The following RSRC1 variants were observed in gnomAD, a reference collection of about 807,000 sequenced individuals.
The protein encoded by RSRC1 is serine/Arginine-related protein 53.
A neutral mutation model predicts 49.1 loss-of-function variants in RSRC1; 39 were observed. The observed-to-expected ratio is 0.79, with a 90% confidence interval of 0.61 to 1.04. The LOEUF is 1.04. Among genes scored for constraint, RSRC1 ranks in the 50% least tolerant of loss-of-function variants. The pLI, the probability that RSRC1 is intolerant of heterozygous loss-of-function variation, is 0.00. For synonymous variants in RSRC1, 143 were observed against 130.8 expected, an observed-to-expected ratio of 1.09 and a Z score of -0.63; for missense variants, 388 against 402.4, an observed-to-expected ratio of 0.96 and a Z score of 0.31.
chr3:158,166,905 C>T (rs549746160), intron 3 of RSRC1, among the ~76,000 whole-genome samples: 7 of 152,212 alleles, frequency 4.6e-5, no homozygotes, highest in Admixed American at 1.3e-4. Flanking sequence ...AATAAGTACC[C>T]GAACTTCTAC....
intron 6 of RSRC1, among the ~76,000 whole-genome samples, chr3:158,437,320 A>C (rs1736102277): frequency 6.6e-6 from 1 of 152,116 alleles, no homozygotes; most frequent in Admixed American, 6.6e-5. Flanking sequence ...AAAATGGTTT[A>C]ATAATGGTTA....
chr3:158,434,230 C>A (rs1206392894), intron 6 of RSRC1, among the ~76,000 whole-genome samples: 1 of 151,868 alleles, frequency 6.6e-6, no homozygotes, highest in Non-Finnish European at 1.5e-5. Flanking sequence ...TCTTTTATAG[C>A]TGTAAGAAGT....
chr3:158,208,784 T>C (rs190476706), intron 4 of RSRC1, among the ~76,000 whole-genome samples: 273 of 152,314 alleles, frequency 1.8e-3, no homozygotes, highest in Non-Finnish European at 3.0e-3. Context: ...TGTTAAACTG[T>C]TATTGAGAGT....
intron 6 of RSRC1, among the ~76,000 whole-genome samples, chr3:158,404,549 A>G (rs916255012): frequency 1.1e-4 from 17 of 152,002 alleles, no homozygotes; most frequent in African/African-American, 3.6e-4. Flanking sequence ...GTTATAATAA[A>G]TAAACATCAG....
At chr3:158,202,769 T>C (rs1721132198) in intron 3 of RSRC1, among the ~76,000 whole-genome samples, 1 of 151,824 alleles carries the variant, frequency 6.6e-6, no homozygotes, top group Non-Finnish European at 1.5e-5. Flanking sequence ...CTTATTCTTG[T>C]AGATTAAATT....
intron 6 of RSRC1, among the ~76,000 whole-genome samples, chr3:158,372,282 AG>A (rs1260976005): frequency 2.0e-5 from 3 of 151,818 alleles, no homozygotes; most frequent in African/African-American, 4.8e-5. Context: ...TTTCTTCTAG[AG>A]TTTTTATAGT....
At chr3:158,293,108 G>A (rs1181283737) in intron 4 of RSRC1, among the ~76,000 whole-genome samples, 1 of 152,060 alleles carries the variant, frequency 6.6e-6, no homozygotes, top group Non-Finnish European at 1.5e-5. Context: ...TGGAGAACTT[G>A]CTTAAACTTA....
At position 158,250,141 on chromosome 3, in the gene RSRC1, G is replaced by A. The variant is rs568510450; in HGVS notation, c.494+46896G>A. On this transcript the variant is annotated intron_variant, in intron 4 of 9. Coordinates refer to ENST00000611884, the MANE Select transcript of RSRC1 (RefSeq NM_001271838.2). ...TCCAGCTGTGTTATTGTAAATTACAGGATCTCATTCATTTTTATGATTATA... is the reference window on the plus strand; with the variant it reads ...TCCAGCTGTGTTATTGTAAATTACAAGATCTCATTCATTTTTATGATTATA... Among the ~76,000 whole-genome samples, 5 of 152,226 alleles carry A rather than the reference G, an allele frequency of 3.3e-5. No homozygotes were observed. The East Asian group carries it at 7.7e-4, about 24-fold the overall frequency.
chr3:158,504,926 C>T (rs964654979), intron 7 of RSRC1, among the ~76,000 whole-genome samples: 2 of 152,252 alleles, frequency 1.3e-5, no homozygotes, highest in East Asian at 1.9e-4. Context: ...TTAGATCTGA[C>T]GTTTGGCCTT....
intron 6 of RSRC1, among the ~76,000 whole-genome samples, chr3:158,392,729 G>A (rs1733387230): frequency 6.6e-6 from 1 of 151,974 alleles, no homozygotes; most frequent in South Asian, 2.1e-4. Flanking sequence ...CACTAATAGT[G>A]GAAGACTTCA....
chr3:158,207,811 CA>C (rs147281196), intron 4 of RSRC1, among the ~76,000 whole-genome samples: 3,889 of 152,056 alleles, frequency 0.026, 74 homozygotes, highest in Non-Finnish European at 0.038. Context: ...AATGCTCAAG[CA>C]GGAATTAATG....
At chr3:158,418,736 G>A (rs1247599634) in intron 6 of RSRC1, among the ~76,000 whole-genome samples, 2 of 151,984 alleles carry the variant, frequency 1.3e-5, no homozygotes, top group Admixed American at 6.6e-5. Context: ...ACAGCCTTGA[G>A]TAGAGCAGAA....
In RSRC1 at chr3:158,495,684, C is replaced by A. The variant is rs757458323; in HGVS notation, c.652+34681C>A. Among the ~76,000 whole-genome samples, 98 of 152,202 alleles carry A rather than the reference C, an allele frequency of 6.4e-4. 1 individual carries two copies. Among genetic ancestry groups the A allele is most frequent in the Admixed American group, 3.9e-4 (6 of 15,282 alleles). On this transcript the variant is annotated intron_variant, in intron 7 of 9. Transcript: ENST00000611884. Reference sequence around the variant, plus strand: ...AAGTAATTGAAATGTGTTTTAGTGACAGCTTAAGTCAGAGGTCAGCAAACT... The same window carrying A: ...AAGTAATTGAAATGTGTTTTAGTGAAAGCTTAAGTCAGAGGTCAGCAAACT...
At chr3:158,207,112 GGACT>G (rs1181128774) in intron 4 of RSRC1, among the ~76,000 whole-genome samples, 5 of 152,076 alleles carry the variant, frequency 3.3e-5, no homozygotes, top group Non-Finnish European at 7.4e-5. Context: ...TAATTCAAAT[GGACT>G]GACTGTCACC....
chr3:158,290,837 G>A (rs1726893223), intron 4 of RSRC1, among the ~76,000 whole-genome samples: 1 of 152,122 alleles, frequency 6.6e-6, no homozygotes, highest in Admixed American at 6.6e-5. Context: ...ATAGAAAACT[G>A]CAGCATACTA....
At chr3:158,244,906 A>G (rs1036246719) in intron 4 of RSRC1, among the ~76,000 whole-genome samples, 1 of 151,276 alleles carries the variant, frequency 6.6e-6, no homozygotes, top group Non-Finnish European at 1.5e-5. Context: ...TCTCATTTGT[A>G]TGCATAAAGG....
chr3:158,394,284 G>A (rs1028258399), intron 6 of RSRC1, among the ~76,000 whole-genome samples: 8 of 151,880 alleles, frequency 5.3e-5, no homozygotes, highest in Admixed American at 6.6e-5. Flanking sequence ...TTTCAACATC[G>A]TATTGGAAGT....
intron 6 of RSRC1, among the ~76,000 whole-genome samples, chr3:158,378,724 A>G (rs1342150619): frequency 1.3e-5 from 2 of 152,100 alleles, no homozygotes; most frequent in Non-Finnish European, 2.9e-5. Context: ...CCTTACTTCC[A>G]GTGGCTGGAT....
At chr3:158,428,883 A>G (rs915281892) in intron 6 of RSRC1, among the ~76,000 whole-genome samples, 3 of 152,018 alleles carry the variant, frequency 2.0e-5, no homozygotes, top group South Asian at 2.1e-4. Flanking sequence ...GAGCACAGCT[A>G]TGGAGACCTG....
Sources: gnomAD v4.1 joint callset for allele counts (sites outside exome capture counted in the v4.1 genomes callset) on GRCh38, gnomAD v4.1.1 for gene constraint, MANE v1.5 for transcripts, NCBI Gene and HGNC (gene_info 2026-07-23, HGNC 2026-07-21) for gene names.